CHD6: variants seen among roughly 807,000 people sequenced by gnomAD.
CHD6 encodes chromodomain helicase DNA binding protein 6, also known as ATP-dependent chromatin remodeler CHD6.
CHD6 carries 50 observed loss-of-function variants against 276.9 expected under a neutral mutation model. The observed-to-expected ratio is 0.18, with a 90% CI of 0.14 to 0.23. The LOEUF is 0.23. CHD6 is among the 10% of genes least tolerant of loss of function. The probability of loss-of-function intolerance (pLI) is 1.00; values close to 1 mark genes in which losing one functional copy is unlikely to be tolerated. For missense variants in CHD6, 2,564 were observed against 3,365.8 expected (o/e 0.76, Z 5.89); for synonymous variants, 1,173 against 1,229.3 (o/e 0.95, Z 0.96).
At chr20:41,584,285 A>G (rs1197457608) in intron 1 of CHD6, among the ~76,000 whole-genome samples, 1 of 152,192 alleles carries the variant, frequency 6.6e-6, no homozygotes, top group Non-Finnish European at 1.5e-5. Flanking sequence ...TCGAAAAGAT[A>G]TAACGATCCT....
Position 41,601,008 on chromosome 20 carries a change from C to T in CHD6, c.-24+17332G>A, listed in dbSNP as rs189935361. ...GGCTCTATCACATCAAAAATCTAGA[C>T]ACACTGGCAATAAAATCAGAAGAAA... On this transcript the variant is annotated intron_variant, in intron 1 of 36. Transcript: ENST00000373233. 6.4e-3 allele frequency among the ~76,000 whole-genome samples: 975 copies of T among 152,300 alleles called. 10 individuals carry two copies. The highest frequency in any genetic ancestry group is 0.01 in the Non-Finnish European group (692 of 68,018).
chr20:41,456,364 A>C (rs1014101332), intron 18 of CHD6, among the ~76,000 whole-genome samples: 6 of 151,976 alleles, frequency 3.9e-5, no homozygotes, highest in African/African-American at 1.5e-4. Context: ...CAGAAGAACA[A>C]TGATTTATTC....
intron 33 of CHD6, 140 bp from the exon 34 acceptor site, chr20:41,415,778 C>G: frequency 1.6e-6 from 1 of 634,714 alleles, no homozygotes; most frequent in East Asian, 2.7e-5. Context: ...CAGGCCTCCT[C>G]AAACCTGAAC....
At chr20:41,585,463 G>A (rs1360284562) in intron 1 of CHD6, among the ~76,000 whole-genome samples, 2 of 142,766 alleles carry the variant, frequency 1.4e-5, no homozygotes, top group East Asian at 4.1e-4. Flanking sequence ...AGCCAAGATC[G>A]CACCATTGCA....
intron 6 of CHD6, among the ~76,000 whole-genome samples, chr20:41,498,841 G>GTGTT: frequency 7.0e-6 from 1 of 143,700 alleles, no homozygotes; most frequent in Non-Finnish European, 1.5e-5. Flanking sequence ...GTGTGTGTGT[G>GTGTT]TGTGTGTATT....
At chr20:41,415,670 A>C in intron 33 of CHD6, 32 bp from the exon 34 acceptor site, 2 of 1,482,880 alleles carry the variant, frequency 1.3e-6, no homozygotes, top group South Asian at 2.6e-5. Context: ...GAGAGGTCTG[A>C]ATGTCACACA....
intron 25 of CHD6, 21 bp downstream of exon 25, chr20:41,445,644 C>A: frequency 6.5e-7 from 1 of 1,527,744 alleles, no homozygotes; most frequent in African/African-American, 1.4e-5. Flanking sequence ...CAGAAGGGAA[C>A]GCCTTCAGAG....
chr20:41,536,047 G>A (rs1280504279), intron 2 of CHD6, among the ~76,000 whole-genome samples: 1 of 149,782 alleles, frequency 6.7e-6, no homozygotes, highest in Non-Finnish European at 1.5e-5. Context: ...CATATTTGCT[G>A]AAGATTAAAA....
intron 5 of CHD6, among the ~76,000 whole-genome samples, chr20:41,506,651 A>G (rs1601033526): frequency 6.6e-6 from 1 of 152,206 alleles, no homozygotes; most frequent in Non-Finnish European, 1.5e-5. Context: ...AGGTTTATTA[A>G]CAGCCTCTCT....
In CHD6 at chr20:41,412,131, C is replaced by A. The variant is rs775377127; in HGVS notation, c.7251+13G>T. The A allele has an allele frequency of 2.5e-6, 4 of 1,613,910 alleles. No homozygotes were observed. In the African/African-American group the frequency reaches 4.0e-5, roughly 16 times the overall value. On this transcript the variant is annotated intron_variant, in intron 36 of 36. Transcript: ENST00000373233. ...TCCTCCTGGCCCCACACTCACGTGG[C>A]CTTCTTCCTTACCCTCAGTCCTGGC...
At chr20:41,495,661 G>C (rs1483509262) in intron 8 of CHD6, among the ~76,000 whole-genome samples, 1 of 152,188 alleles carries the variant, frequency 6.6e-6, no homozygotes, top group Non-Finnish European at 1.5e-5. Context: ...ACTTATGTGA[G>C]GTGATGGATA....
At chr20:41,477,533 A>G (rs1972979056) in intron 16 of CHD6, among the ~76,000 whole-genome samples, 1 of 152,192 alleles carries the variant, frequency 6.6e-6, no homozygotes, top group African/African-American at 2.4e-5. Context: ...AAAATCAAAT[A>G]ATCCAGTTAA....
At chr20:41,409,292 G>A (rs373942698) in intron 36 of CHD6, among the ~76,000 whole-genome samples, 3 of 152,260 alleles carry the variant, frequency 2.0e-5, no homozygotes, top group African/African-American at 7.2e-5. Flanking sequence ...GGCTTTGGCA[G>A]CTCTCCCTCC....
chr20:41,609,940 T>C (rs2146304156), intron 1 of CHD6, among the ~76,000 whole-genome samples: 1 of 140,832 alleles, frequency 7.1e-6, no homozygotes. Flanking sequence ...CGCTGCAACC[T>C]CCGCCTCCCG....
At chr20:41,490,447 A>G (rs1002218756) in intron 11 of CHD6, among the ~76,000 whole-genome samples, 2 of 152,232 alleles carry the variant, frequency 1.3e-5, no homozygotes, top group African/African-American at 4.8e-5. Flanking sequence ...ACACCATAGT[A>G]AGTATTTGTG....
At chr20:41,598,565 A>G (rs1304257283) in intron 1 of CHD6, among the ~76,000 whole-genome samples, 1 of 152,174 alleles carries the variant, frequency 6.6e-6, no homozygotes, top group Non-Finnish European at 1.5e-5. Flanking sequence ...TCTCTCTTCC[A>G]AAACCCCACA....
In CHD6 at chr20:41,499,355, C is replaced by T; in HGVS notation, c.855G>A (p.Glu285=). The part of the protein sequence containing the change: ...SASTLAWQAE[E]PPEDDANIIE... Reference sequence around the variant, plus strand: ...TGATGTTTGCATCATCTTCTGGAGGCTCCTGGGGACAAAGATAAAAAAAAA... The same window carrying T: ...TGATGTTTGCATCATCTTCTGGAGGTTCCTGGGGACAAAGATAAAAAAAAA... Residue 285 remains glutamate (E), a splice_region_variant and synonymous_variant, in exon 6 of 37, where the codon GAG becomes GAA. Transcript: ENST00000373233. The T allele has an allele frequency of 1.3e-6, 2 of 1,596,790 alleles. No homozygotes were observed. Among genetic ancestry groups the T allele is most frequent in the Non-Finnish European group, 1.7e-6 (2 of 1,171,116 alleles).
intron 11 of CHD6, among the ~76,000 whole-genome samples, chr20:41,491,208 T>C (rs1568638734): frequency 6.6e-6 from 1 of 151,920 alleles, no homozygotes; most frequent in Non-Finnish European, 1.5e-5. Context: ...GAACTTCCAA[T>C]TTTTTAAAAA....
chr20:41,565,869 A>G (rs908648031), intron 1 of CHD6, among the ~76,000 whole-genome samples: 2 of 152,254 alleles, frequency 1.3e-5, no homozygotes, highest in African/African-American at 4.8e-5. Context: ...AGGCTGACCA[A>G]TGATAAATAT....
Sources: gnomAD v4.1 joint callset for allele counts (sites outside exome capture counted in the v4.1 genomes callset) on GRCh38, gnomAD v4.1.1 for gene constraint, MANE v1.5 for transcripts, NCBI Gene and HGNC (gene_info 2026-07-23, HGNC 2026-07-21) for gene names.